Variants in GRID2 observed in about 807,000 individuals in gnomAD.
The protein encoded by GRID2 is glutamate ionotropic receptor delta type subunit 2, also known as glutamate receptor ionotropic, delta-2.
A neutral mutation model predicts 114.8 loss-of-function variants in GRID2; 33 were observed. The ratio of observed to expected loss-of-function variants is 0.29; its 90% CI spans 0.22 to 0.38. The LOEUF is 0.38. GRID2 is among the 10% of genes least tolerant of loss of function. The pLI is 1.00. For synonymous variants in GRID2, 505 were observed against 449.9 expected, an observed-to-expected ratio of 1.12 and a Z score of -1.55; for missense variants, 1,184 against 1,257.7, an observed-to-expected ratio of 0.94 and a Z score of 0.89.
chr4:93,356,323 T>C (rs571878640), intron 8 of GRID2, among the ~76,000 whole-genome samples: 4 of 152,176 alleles, frequency 2.6e-5, no homozygotes, highest in Non-Finnish European at 4.4e-5. Context: ...GTTCTCCAGC[T>C]TCATTTTAGG....
rs77504140 is a variant in GRID2 at position 93,146,706 on chromosome 4, A to C, written c.735+35753A>C. Among the ~76,000 whole-genome samples the C allele has an allele frequency of 6.2e-3, 756 of 121,756 alleles. 10 individuals are homozygous for C. The highest frequency in any genetic ancestry group is 0.023 in the African/African-American group (711 of 30,474). The allele number at this position is 121,756 out of a possible 152,430, so 79.9% of individuals were successfully genotyped here. A position where few individuals can be genotyped will look rare whatever the true frequency, so the allele number is the denominator to read the frequency against. On this transcript the variant is annotated intron_variant, in intron 4 of 15. Transcript: ENST00000282020. ...ACTACAGGTACCTAAGTGATTTAAA[A>C]AAAAAAAAATCTTATACTTATAAAT...
chr4:92,641,440 AAT>A (rs1160111486), intron 2 of GRID2, among the ~76,000 whole-genome samples: 1 of 132,010 alleles, frequency 7.6e-6, no homozygotes, highest in Non-Finnish European at 1.6e-5. Context: ...GAGCCTGGCC[AAT>A]ATTTTTTTTT....
At chr4:93,788,088 G>A (rs998646401) in intron 1 of GRID2, among the ~76,000 whole-genome samples, 4 of 152,174 alleles carry the variant, frequency 2.6e-5, no homozygotes, top group East Asian at 1.9e-4. Flanking sequence ...AGGCCGAGGC[G>A]GGTGGATCAC....
intron 14 of GRID2, among the ~76,000 whole-genome samples, chr4:93,732,062 A>C (rs754965895): frequency 2.4e-4 from 36 of 152,350 alleles, no homozygotes; most frequent in African/African-American, 8.4e-4. Flanking sequence ...CTGAAGCATC[A>C]AGAAAAATCA....
At chr4:93,553,178 T>A (rs1013476895) in intron 13 of GRID2, among the ~76,000 whole-genome samples, 3 of 152,302 alleles carry the variant, frequency 2.0e-5, no homozygotes, top group Non-Finnish European at 4.4e-5. Context: ...AAGTGGTACT[T>A]CTAGTTCTAG....
intron 8 of GRID2, among the ~76,000 whole-genome samples, chr4:93,356,133 C>A (rs1454922917): frequency 1.3e-5 from 2 of 152,072 alleles, no homozygotes; most frequent in African/African-American, 4.8e-5. Context: ...TATAAACTTA[C>A]CTACTTATCA....
At chr4:93,143,428 G>A (rs1735934268) in intron 4 of GRID2, among the ~76,000 whole-genome samples, 1 of 151,912 alleles carries the variant, frequency 6.6e-6, no homozygotes, top group African/African-American at 2.4e-5. Flanking sequence ...TTATATAGGA[G>A]GCCAATATGG....
chr4:93,395,552 G>A (rs1237036833), intron 8 of GRID2, 55 bp from the exon 9 acceptor site: 6 of 791,738 alleles, frequency 7.6e-6, no homozygotes, highest in Admixed American at 1.7e-5. Context: ...ACTATACAGA[G>A]GTGATGGGAC....
chr4:93,287,540 T>A (rs575477680), intron 8 of GRID2, among the ~76,000 whole-genome samples: 1 of 152,290 alleles, frequency 6.6e-6, no homozygotes, highest in African/African-American at 2.4e-5. Flanking sequence ...CTTCGGAGAA[T>A]TTTCTATGAC....
chr4:93,577,634 A>G (rs1736551409), intron 13 of GRID2, among the ~76,000 whole-genome samples: 1 of 152,194 alleles, frequency 6.6e-6, no homozygotes, highest in South Asian at 2.1e-4. Context: ...CACAGGAGTT[A>G]CTGGGAACAA....
Position 92,411,624 on chromosome 4 carries a change from CATGTGTGTGT to C in GRID2, c.88+106881_88+106890del, listed in dbSNP as rs1368094157. On this transcript the variant is annotated intron_variant, in intron 1 of 15. Coordinates refer to ENST00000282020, the MANE Select transcript of GRID2 (RefSeq NM_001510.4). ...TGTGCATTATATATAGATATATATG[CATGTGTGTGT>C]GTGTGTGTGTGTGTGTGTGTGTATA... 1.9e-4 allele frequency among the ~76,000 whole-genome samples: 17 copies of C among 90,858 alleles called. 3 individuals carry two copies. Among genetic ancestry groups the C allele is most frequent in the South Asian group, 3.6e-4 (1 of 2,760 alleles). The allele number at this position is 90,858 out of a possible 152,430, so 59.6% of individuals were successfully genotyped here.
intron 8 of GRID2, among the ~76,000 whole-genome samples, chr4:93,323,477 GTGTGATGCC>G (rs1299144568): frequency 6.6e-6 from 1 of 152,148 alleles, no homozygotes; most frequent in African/African-American, 2.4e-5. Flanking sequence ...AAGTCAGGTA[GTGTGATGCC>G]TCCAGCTTTG....
intron 12 of GRID2, among the ~76,000 whole-genome samples, chr4:93,507,323 G>C (rs1728731387): frequency 6.6e-6 from 1 of 152,210 alleles, no homozygotes; most frequent in African/African-American, 2.4e-5. Flanking sequence ...AGATAGGAAT[G>C]TGACTTCTCA....
chr4:93,135,045 T>C (rs1281884240), intron 4 of GRID2, among the ~76,000 whole-genome samples: 1 of 152,192 alleles, frequency 6.6e-6, no homozygotes, highest in African/African-American at 2.4e-5. Context: ...ATTCAAGTGA[T>C]GTATTTACTT....
At chr4:92,562,804 G>T (rs1727160730) in intron 1 of GRID2, among the ~76,000 whole-genome samples, 1 of 152,034 alleles carries the variant, frequency 6.6e-6, no homozygotes, top group Non-Finnish European at 1.5e-5. Context: ...TCTTTACTAA[G>T]GCTATATTAA....
At chr4:93,358,005 TC>T (rs1479635472) in intron 8 of GRID2, among the ~76,000 whole-genome samples, 1 of 151,826 alleles carries the variant, frequency 6.6e-6, no homozygotes, top group Non-Finnish European at 1.5e-5. Flanking sequence ...ATATTATTAT[TC>T]TTTTTTATTT....
At chr4:93,583,256 G>C (rs1737167499) in intron 13 of GRID2, among the ~76,000 whole-genome samples, 1 of 152,072 alleles carries the variant, frequency 6.6e-6, no homozygotes, top group Non-Finnish European at 1.5e-5. Flanking sequence ...GAATTTCGAG[G>C]GGGGCACTAT....
intron 8 of GRID2, among the ~76,000 whole-genome samples, chr4:93,394,373 C>T (rs745784417): frequency 6.6e-6 from 1 of 151,944 alleles, no homozygotes; most frequent in Non-Finnish European, 1.5e-5. Context: ...GCTGGCTCTG[C>T]TGTTTATACT....
chr4:93,493,722 T>A (rs572203816), intron 12 of GRID2, among the ~76,000 whole-genome samples: 1 of 151,868 alleles, frequency 6.6e-6, no homozygotes, highest in African/African-American at 2.4e-5. Flanking sequence ...GAAGCCTGTC[T>A]CAAATTTTTC....
Sources: gnomAD v4.1 joint callset for allele counts (sites outside exome capture counted in the v4.1 genomes callset) on GRCh38, gnomAD v4.1.1 for gene constraint, MANE v1.5 for transcripts, NCBI Gene and HGNC (gene_info 2026-07-23, HGNC 2026-07-21) for gene names.